The following TENM4 variants were observed in gnomAD, a reference collection of about 807,000 sequenced individuals.
TENM4 encodes teneurin-4.
A neutral mutation model predicts 243.3 loss-of-function variants in TENM4; 82 were observed. The observed-to-expected ratio is 0.34, with a 90% CI of 0.28 to 0.40. The LOEUF (loss-of-function observed/expected upper bound fraction) is 0.40. Among genes scored for constraint, TENM4 ranks in the 10% least tolerant of loss-of-function variants. The probability of loss-of-function intolerance (pLI) is 1.00; values close to 1 mark genes in which losing one functional copy is unlikely to be tolerated. For missense variants in TENM4, 3,138 were observed against 3,673.3 expected, an observed-to-expected ratio of 0.85 and a Z score of 3.77; for synonymous variants, 1,412 against 1,456.3, an observed-to-expected ratio of 0.97 and a Z score of 0.69.
chr11:78,864,786 A>T (rs1362037488), intron 9 of TENM4, among the ~76,000 whole-genome samples: 1 of 152,180 alleles, frequency 6.6e-6, no homozygotes, highest in Admixed American at 6.5e-5. Context: ...CTTGGTGAAC[A>T]CTGTCTGAAA....
At chr11:79,165,343 A>C (rs1862888826) in intron 3 of TENM4, among the ~76,000 whole-genome samples, 1 of 152,110 alleles carries the variant, frequency 6.6e-6, no homozygotes, top group South Asian at 2.1e-4. Flanking sequence ...TTCTTGCAGG[A>C]GTGAGACAGT....
rs186759292 is a variant in TENM4, at chr11:79,343,356, C to T, written c.-320-45813G>A. ...CAGGAAAGTGAAGCAGCTTGGCCTA[C>T]GGTTTCACAAATGGAAAATGTTAGA... On this transcript the variant is annotated intron_variant, in intron 1 of 33. Coordinates refer to ENST00000278550, the MANE Select transcript of TENM4 (RefSeq NM_001098816.3). 2.3e-3 allele frequency among the ~76,000 whole-genome samples: 357 copies of T among 152,294 alleles called. 2 individuals are homozygous for T. Among genetic ancestry groups the T allele is most frequent in the African/African-American group, 4.8e-3 (200 of 41,558 alleles).
rs141534415 is a variant in TENM4, at chr11:78,837,258, T to C, written c.1681+16846A>G. On this transcript the variant is annotated intron_variant, in intron 12 of 33. Coordinates refer to ENST00000278550, the MANE Select transcript of TENM4 (RefSeq NM_001098816.3). ...AGTGAATAAGTCTCATGAGATCTGA[T>C]GATTTTATAAGGGGTTTCTCCTTTG... 6.3e-3 allele frequency among the ~76,000 whole-genome samples: 958 copies of C among 152,320 alleles called. 8 individuals are homozygous for C. Among genetic ancestry groups the C allele is most frequent in the African/African-American group, 0.022 (905 of 41,552 alleles).
rs368892657 is a variant in TENM4 at position 78,909,523 on chromosome 11, G to A, written c.494-6000C>T. 9.2e-5 allele frequency among the ~76,000 whole-genome samples: 14 copies of A among 152,328 alleles called. No individual in the cohort carries two copies. In the South Asian group the frequency reaches 2.5e-3, roughly 27 times the overall value. ...ACATTCTTTTTTGTGTGCATTCAATGAGTGAATGCAGGTAAGGTGCTTACA... is the reference window on the plus strand; with the variant it reads ...ACATTCTTTTTTGTGTGCATTCAATAAGTGAATGCAGGTAAGGTGCTTACA... On this transcript the variant is annotated intron_variant, in intron 6 of 33. Transcript: ENST00000278550.
chr11:78,706,463 C>T (rs908695694), intron 27 of TENM4, among the ~76,000 whole-genome samples: 5 of 152,170 alleles, frequency 3.3e-5, no homozygotes, highest in Non-Finnish European at 5.9e-5. Flanking sequence ...CATGGGGCAG[C>T]GGAGTAGAGA....
chr11:79,273,973 A>C (rs1856011626), intron 2 of TENM4, among the ~76,000 whole-genome samples: 1 of 152,200 alleles, frequency 6.6e-6, no homozygotes. Flanking sequence ...AATATCAGTG[A>C]AAGGGAAGAA....
At chr11:79,083,198 G>A (rs1860721260) in intron 4 of TENM4, among the ~76,000 whole-genome samples, 1 of 152,196 alleles carries the variant, frequency 6.6e-6, no homozygotes, top group African/African-American at 2.4e-5. Flanking sequence ...GGGGCAGGCA[G>A]TGTGCAGCTG....
intron 3 of TENM4, among the ~76,000 whole-genome samples, chr11:79,188,901 T>C (rs1407679218): frequency 6.6e-6 from 1 of 152,110 alleles, no homozygotes; most frequent in Non-Finnish European, 1.5e-5. Flanking sequence ...CAAGCATGCA[T>C]AATAAACATT....
At chr11:79,037,758 A>T (rs957090507) in intron 6 of TENM4, among the ~76,000 whole-genome samples, 1 of 152,208 alleles carries the variant, frequency 6.6e-6, no homozygotes, top group South Asian at 2.1e-4. Context: ...CACAGTTTTC[A>T]TTCAAATCCA....
rs887606528 is a variant in TENM4 at position 78,653,196 on chromosome 11, G to A, written c.*4862C>T. On this transcript the variant is annotated 3_prime_UTR_variant, in exon 34 of 34. Transcript: ENST00000278550. ...TCCCAGGTCATCCTGATAGCAGCCAGCAGGGAAGTGCAAACCCAGGATGGC... is the reference window on the plus strand; with the variant it reads ...TCCCAGGTCATCCTGATAGCAGCCAACAGGGAAGTGCAAACCCAGGATGGC... 1 of 152,240 alleles carries A rather than the reference G, an allele frequency of 6.6e-6. No individual in the cohort carries two copies. The highest frequency in any genetic ancestry group is 1.5e-5 in the Non-Finnish European group (1 of 68,052). The allele number at this position is 152,240 out of a possible 1,614,324, so 9.4% of individuals were successfully genotyped here.
At chr11:78,998,406 G>A (rs897812935) in intron 6 of TENM4, among the ~76,000 whole-genome samples, 8 of 152,230 alleles carry the variant, frequency 5.3e-5, no homozygotes, top group Admixed American at 4.6e-4. Flanking sequence ...AGAAATTATA[G>A]GGGGGATTTT....
chr11:78,774,048 C>T (rs560160397), intron 17 of TENM4, among the ~76,000 whole-genome samples: 6 of 152,260 alleles, frequency 3.9e-5, no homozygotes, highest in African/African-American at 1.4e-4. Context: ...TTACTTACTA[C>T]CTGTGTTACA....
At chr11:79,277,365 T>G (rs1305767184) in intron 2 of TENM4, among the ~76,000 whole-genome samples, 1 of 152,192 alleles carries the variant, frequency 6.6e-6, no homozygotes, top group African/African-American at 2.4e-5. Context: ...GTGTACATGA[T>G]TTCATTGTAT....
chr11:78,984,478 G>A (rs625895), intron 6 of TENM4, among the ~76,000 whole-genome samples: 47,312 of 151,956 alleles, frequency 0.31, 8,051 homozygotes, highest in Middle Eastern at 0.41. Flanking sequence ...TTTGAAAATC[G>A]GTAACTCTCC....
At chr11:78,733,645 G>T (rs1358585859) in intron 20 of TENM4, among the ~76,000 whole-genome samples, 1 of 152,130 alleles carries the variant, frequency 6.6e-6, no homozygotes, top group African/African-American at 2.4e-5. Flanking sequence ...TTTACTTTTT[G>T]AACATTGAAG....
In TENM4 at chr11:78,828,609, A is replaced by G. The variant is rs190402763; in HGVS notation, c.1682-14214T>C. 3.8e-3 allele frequency among the ~76,000 whole-genome samples: 573 copies of G among 152,340 alleles called. 4 individuals are homozygous for G. Among genetic ancestry groups the G allele is most frequent in the African/African-American group, 0.013 (558 of 41,574 alleles). On this transcript the variant is annotated intron_variant, in intron 12 of 33. Transcript: ENST00000278550. ...ATAATAACTTGGGTCTATATCTTTG[A>G]GCCAGAGGCCAAGTTGGACTTCTTC...
chr11:79,141,069 C>G (rs796438438), intron 4 of TENM4, among the ~76,000 whole-genome samples: 7 of 152,202 alleles, frequency 4.6e-5, no homozygotes, highest in African/African-American at 1.7e-4. Flanking sequence ...GCAGTGAAAA[C>G]AGGCTTAACA....
At chr11:79,391,314 A>C (rs1332365860) in intron 1 of TENM4, among the ~76,000 whole-genome samples, 4 of 152,110 alleles carry the variant, frequency 2.6e-5, no homozygotes, top group African/African-American at 9.7e-5. Flanking sequence ...ACCTTGTGCC[A>C]ACAGTGAGCC....
At chr11:79,124,633 G>A (rs1036226596) in intron 4 of TENM4, among the ~76,000 whole-genome samples, 1 of 126,550 alleles carries the variant, frequency 7.9e-6, no homozygotes, top group East Asian at 2.2e-4. Flanking sequence ...ACATATGCAC[G>A]TATATATATA....
Sources: gnomAD v4.1 joint callset for allele counts (sites outside exome capture counted in the v4.1 genomes callset) on GRCh38, gnomAD v4.1.1 for gene constraint, MANE v1.5 for transcripts, NCBI Gene and HGNC (gene_info 2026-07-23, HGNC 2026-07-21) for gene names.